ADD1: variants seen among roughly 807,000 people sequenced by gnomAD.
ADD1 encodes the protein adducin 1, also known as alpha-adducin.
A neutral mutation model predicts 80.5 loss-of-function variants in ADD1; 24 were observed. The observed-to-expected ratio is 0.30, with a 90% confidence interval of 0.22 to 0.42. The LOEUF (loss-of-function observed/expected upper bound fraction) is 0.42. Among genes scored for constraint, ADD1 ranks in the 10% least tolerant of loss-of-function variants. ADD1 has a pLI of 1.00. For synonymous variants in ADD1, 373 were observed against 393.8 expected (o/e 0.95, Z 0.63); for missense variants, 948 against 1,019.0 (o/e 0.93, Z 0.95).
intron 13 of ADD1, among the ~76,000 whole-genome samples, chr4:2,909,875 C>T (rs1039877215): frequency 2.7e-5 from 4 of 149,550 alleles, no homozygotes; most frequent in African/African-American, 9.9e-5. Context: ...AATGTAGCCA[C>T]TAGAGGTCAT....
chr4:2,916,224 T>A (rs1337734447), intron 14 of ADD1, among the ~76,000 whole-genome samples: 1 of 150,260 alleles, frequency 6.7e-6, no homozygotes, highest in African/African-American at 2.4e-5. Flanking sequence ...TGAGATGAAG[T>A]CTTGCTCTGT....
At chr4:2,876,894 C>T (rs1218003478) in intron 2 of ADD1, among the ~76,000 whole-genome samples, 4 of 151,242 alleles carry the variant, frequency 2.6e-5, no homozygotes, top group Admixed American at 1.3e-4. Flanking sequence ...CCCAGCTACT[C>T]GGGCGGCTGA....
chr4:2,882,925 A>G (rs1039535627), intron 3 of ADD1, among the ~76,000 whole-genome samples: 2 of 152,108 alleles, frequency 1.3e-5, no homozygotes, highest in African/African-American at 4.8e-5. Context: ...CAGTGGCATG[A>G]TCTCAGCTCC....
chr4:2,845,154 T>A (rs1015166088), intron 1 of ADD1, among the ~76,000 whole-genome samples: 2 of 151,936 alleles, frequency 1.3e-5, no homozygotes, highest in African/African-American at 4.8e-5. Context: ...GTCACTGCAA[T>A]CTCCGCCTCC....
At chr4:2,852,836 C>A (rs1397188228) in intron 1 of ADD1, among the ~76,000 whole-genome samples, 1 of 151,422 alleles carries the variant, frequency 6.6e-6, no homozygotes, top group Non-Finnish European at 1.5e-5. Flanking sequence ...AGCAGCTGGG[C>A]CTGCAGACCC....
intron 10 of ADD1, among the ~76,000 whole-genome samples, chr4:2,906,900 C>T (rs1213209585): frequency 2.0e-5 from 3 of 151,994 alleles, no homozygotes; most frequent in African/African-American, 7.3e-5. Context: ...CGAAAGTATT[C>T]TGAAAGGCAT....
rs1419135236 is a variant in ADD1 at position 2,904,924 on chromosome 4, A to C, written c.1322A>C (p.Gln441Pro). The C allele has an allele frequency of 6.2e-7, 1 of 1,614,202 alleles. No homozygotes were observed. The highest frequency in any genetic ancestry group is 1.3e-5 in the African/African-American group (1 of 75,054). Residue 441 changes from glutamine (Q) to proline (P), a missense_variant, in exon 10 of 16, where the codon CAG (glutamine) becomes CCG (proline). Coordinates refer to ENST00000683351, the MANE Select transcript of ADD1 (RefSeq NM_001354761.2). ...CTCAGACACAGTTTTCAGAAGCAGC[A>C]GCGGGAGAAGACAAGATGGCTGAAC... is the stretch of plus-strand genomic sequence containing the variant. ...SPLRHSFQKQQREKTRWLNSG... is the reference protein window; with the variant it reads ...SPLRHSFQKQPREKTRWLNSG...
At chr4:2,863,171 A>T (rs947754325) in intron 1 of ADD1, among the ~76,000 whole-genome samples, 3 of 151,784 alleles carry the variant, frequency 2.0e-5, no homozygotes, top group Admixed American at 6.6e-5. Context: ...TCAGACTCCT[A>T]AGTAGCTGGG....
chr4:2,883,445 GCTT>G (rs1033058030), intron 3 of ADD1, among the ~76,000 whole-genome samples: 2 of 151,876 alleles, frequency 1.3e-5, no homozygotes, highest in African/African-American at 4.8e-5. Flanking sequence ...TTTGTGAAAT[GCTT>G]CTTTTCTTTC....
intron 1 of ADD1, among the ~76,000 whole-genome samples, chr4:2,845,265 G>A (rs1234158939): frequency 2.0e-5 from 3 of 152,238 alleles, no homozygotes; most frequent in African/African-American, 7.2e-5. Flanking sequence ...TAGAGACGGG[G>A]TTTCACCATG....
chr4:2,865,877 A>G (rs1488032026), intron 1 of ADD1, among the ~76,000 whole-genome samples: 1 of 152,244 alleles, frequency 6.6e-6, no homozygotes, highest in South Asian at 2.1e-4. Flanking sequence ...GGGAGCAAAA[A>G]TAGAGAAAGT....
At chr4:2,899,543 C>G in intron 9 of ADD1, 108 bp downstream of exon 9, 1 of 1,209,908 alleles carries the variant, frequency 8.3e-7, no homozygotes, top group South Asian at 1.3e-5. Context: ...ATCTGAATAC[C>G]TTCACCTTCA....
intron 2 of ADD1, among the ~76,000 whole-genome samples, chr4:2,880,463 C>CTTTTT (rs1167878841): frequency 0.015 from 940 of 63,308 alleles, 47 homozygotes; most frequent in East Asian, 0.02. Flanking sequence ...TTCTTTCTTT[C>CTTTTT]TTTTTTTTTT....
intron 13 of ADD1, chr4:2,914,631 T>C (rs1384146491): frequency 2.6e-6 from 1 of 388,528 alleles, no homozygotes; most frequent in Non-Finnish European, 4.6e-6. Context: ...GGCTTTTGCT[T>C]CTGAAACCTG....
intron 1 of ADD1, among the ~76,000 whole-genome samples, chr4:2,853,410 A>T (rs1316159846): frequency 1.3e-5 from 2 of 151,996 alleles, no homozygotes; most frequent in African/African-American, 4.8e-5. Context: ...GTCTTTTTCT[A>T]GTATAAGTGT....
chr4:2,882,855 T>G (rs560957670), intron 3 of ADD1, among the ~76,000 whole-genome samples: 2 of 150,230 alleles, frequency 1.3e-5, no homozygotes, highest in East Asian at 3.9e-4. Context: ...GTGGATTCCG[T>G]TTTTTTTTGT....
At chr4:2,885,871 A>C (rs976024799) in intron 4 of ADD1, among the ~76,000 whole-genome samples, 4 of 151,842 alleles carry the variant, frequency 2.6e-5, no homozygotes, top group Non-Finnish European at 5.9e-5. Flanking sequence ...TGGCCTCCCA[A>C]AGTGCTGGGA....
At position 2,891,507 on chromosome 4, in the gene ADD1, A is replaced by T. The variant is rs1188775486; in HGVS notation, c.511-2506A>T. The stretch of plus-strand genomic sequence containing the variant: ...AGGAAATAGAAAGCAAGGCTGACTC[A>T]GCATTGCAAAGAAGTGGGTCATAGG... On this transcript the variant is annotated intron_variant, in intron 4 of 15. Transcript: ENST00000683351. Among the ~76,000 whole-genome samples the T allele has an allele frequency of 3.9e-5, 6 of 152,206 alleles. No individual in the cohort carries two copies. In the East Asian group the frequency reaches 9.6e-4, roughly 24 times the overall value.
At chr4:2,867,075 A>G (rs1015595682) in intron 1 of ADD1, among the ~76,000 whole-genome samples, 1 of 152,272 alleles carries the variant, frequency 6.6e-6, no homozygotes, top group Middle Eastern at 3.4e-3. Context: ...AGTCTGAAAA[A>G]GAAAGAAAGA....
Sources: allele counts gnomAD v4.1 joint callset (sites outside exome capture counted in the v4.1 genomes callset), GRCh38; gene constraint gnomAD v4.1.1; transcripts MANE v1.5; gene names NCBI Gene and HGNC (gene_info 2026-07-23, HGNC 2026-07-21).